The following C9orf85 variants were observed in gnomAD, a reference collection of about 807,000 sequenced individuals.
C9orf85 encodes the protein chromosome 9 open reading frame 85.
Under a neutral mutation model 14.9 loss-of-function variants are expected in C9orf85, and 16 were observed. The ratio of observed to expected loss-of-function variants is 1.08; its 90% CI spans 0.73 to 1.63. C9orf85 has a LOEUF of 1.63. Ranked by LOEUF, C9orf85 falls within the 40% of genes most tolerant of loss-of-function variation. The pLI is 0.00. For missense variants in C9orf85, 172 were observed against 186.1 expected (o/e 0.92, Z 0.44); for synonymous variants, 45 against 56.8 (o/e 0.79, Z 0.93).
intron 1 of C9orf85, among the ~76,000 whole-genome samples, chr9:71,932,644 T>C (rs1218270656): frequency 6.6e-6 from 1 of 152,108 alleles, no homozygotes; most frequent in Non-Finnish European, 1.5e-5. Flanking sequence ...AAGCAAACCC[T>C]GGGGAAAGAA....
intron 1 of C9orf85, chr9:71,918,635 A>T (rs1234619413): frequency 2.9e-6 from 1 of 339,308 alleles, no homozygotes; most frequent in African/African-American, 2.2e-5. Context: ...CTCCTGTCAG[A>T]TCAGCTCTGG....
intron 3 of C9orf85, among the ~76,000 whole-genome samples, chr9:71,981,787 G>T (rs1178642473): frequency 6.6e-6 from 1 of 152,144 alleles, no homozygotes; most frequent in African/African-American, 2.4e-5. Context: ...GCCTGGAAAT[G>T]GTTGGGAATT....
downstream of C9orf85, among the ~76,000 whole-genome samples, chr9:71,975,203 CT>C (rs1405345182): frequency 2.0e-5 from 3 of 152,066 alleles, no homozygotes; most frequent in Admixed American, 2.0e-4. Context: ...AATCCCAGCA[CT>C]TTGGGAGGCC....
intron 2 of C9orf85, among the ~76,000 whole-genome samples, chr9:71,965,939 A>G (rs1026446400): frequency 6.6e-6 from 1 of 152,186 alleles, no homozygotes; most frequent in Non-Finnish European, 1.5e-5. Flanking sequence ...CTATTTCTAT[A>G]TTTGAGTCCT....
At chr9:71,969,790 TTC>T (rs1250810365) in intron 2 of C9orf85, among the ~76,000 whole-genome samples, 4 of 152,174 alleles carry the variant, frequency 2.6e-5, no homozygotes, top group Non-Finnish European at 4.4e-5. Context: ...TCAAAATATT[TTC>T]TTTTTGTGTG....
chr9:71,940,756 AC>A (rs1821905756), intron 1 of C9orf85, among the ~76,000 whole-genome samples: 1 of 152,196 alleles, frequency 6.6e-6, no homozygotes, highest in Non-Finnish European at 1.5e-5. Context: ...ATATGTCCAC[AC>A]AAAAACTCGT....
chr9:71,972,542 A>G (rs1238293704), intron 3 of C9orf85, 150 bp from the exon 4 acceptor site: 1 of 444,112 alleles, frequency 2.3e-6, no homozygotes, highest in East Asian at 4.6e-5. Flanking sequence ...TACAGGCATG[A>G]GCCACCACTC....
At chr9:71,920,414 G>T (rs903359926) in intron 1 of C9orf85, among the ~76,000 whole-genome samples, 1 of 152,100 alleles carries the variant, frequency 6.6e-6, no homozygotes, top group African/African-American at 2.4e-5. Flanking sequence ...AGACTATTCT[G>T]CAAATTCTTC....
intron 2 of C9orf85, among the ~76,000 whole-genome samples, chr9:71,966,822 G>A (rs893102239): frequency 2.6e-5 from 4 of 152,170 alleles, no homozygotes; most frequent in Non-Finnish European, 4.4e-5. Flanking sequence ...AGGGCCTCTG[G>A]TAAATGTTTC....
chr9:71,964,581 G>A (rs564511017), intron 2 of C9orf85, among the ~76,000 whole-genome samples: 2 of 151,870 alleles, frequency 1.3e-5, no homozygotes, highest in East Asian at 1.9e-4. Flanking sequence ...GCGAGACCAC[G>A]AACCCACCAG....
chr9:71,984,778 T>C (rs1823178300), downstream of C9orf85: 3 of 152,174 alleles, frequency 2.0e-5, no homozygotes, highest in Admixed American at 2.0e-4. Context: ...GTGAGTGAGA[T>C]TTAGGAGTCA....
chr9:71,968,092 A>G (rs1564100079), intron 2 of C9orf85, among the ~76,000 whole-genome samples: 1 of 14,350 alleles, frequency 7.0e-5, no homozygotes, highest in Non-Finnish European at 1.8e-4. Flanking sequence ...TGCTGCATAT[A>G]TATATATATA....
At chr9:71,927,702 CCTT>C (rs1170946643) in intron 1 of C9orf85, among the ~76,000 whole-genome samples, 1 of 151,998 alleles carries the variant, frequency 6.6e-6, no homozygotes, top group Non-Finnish European at 1.5e-5. Flanking sequence ...ATTACTAAGA[CCTT>C]CTTATGATAA....
intron 1 of C9orf85, among the ~76,000 whole-genome samples, chr9:71,922,674 G>T (rs1827842357): frequency 6.6e-6 from 1 of 152,104 alleles, no homozygotes; most frequent in Non-Finnish European, 1.5e-5. Flanking sequence ...TAGTACCTGG[G>T]CTTGCTACCT....
At chr9:71,967,984 C>T (rs959229785) in intron 2 of C9orf85, among the ~76,000 whole-genome samples, 3 of 151,924 alleles carry the variant, frequency 2.0e-5, no homozygotes, top group African/African-American at 7.3e-5. Flanking sequence ...CATCTAATAA[C>T]ATCATCATAT....
At chr9:71,948,128 T>C (rs1371255906) in intron 2 of C9orf85, among the ~76,000 whole-genome samples, 2 of 152,228 alleles carry the variant, frequency 1.3e-5, no homozygotes, top group Non-Finnish European at 2.9e-5. Context: ...AAGATTTAAT[T>C]TGGTAATCTA....
intron 2 of C9orf85, among the ~76,000 whole-genome samples, chr9:71,948,376 A>C (rs1822153853): frequency 6.6e-6 from 1 of 152,336 alleles, no homozygotes; most frequent in South Asian, 2.1e-4. Context: ...TTACTTCAAA[A>C]TATTTGAACA....
chr9:71,970,137 G>A (rs372047508), intron 2 of C9orf85, among the ~76,000 whole-genome samples: 5 of 151,956 alleles, frequency 3.3e-5, no homozygotes, highest in Non-Finnish European at 5.9e-5. Flanking sequence ...TAGTAGGGAC[G>A]GGGTTTCACC....
intron 1 of C9orf85, among the ~76,000 whole-genome samples, chr9:71,932,939 A>G (rs953900775): frequency 9.8e-5 from 15 of 152,292 alleles, no homozygotes; most frequent in African/African-American, 3.6e-4. Context: ...AAAGAAACCA[A>G]AAAGAAATTC....
Sources: allele counts gnomAD v4.1 joint callset (sites outside exome capture counted in the v4.1 genomes callset), GRCh38; gene constraint gnomAD v4.1.1; transcripts MANE v1.5; gene names NCBI Gene and HGNC (gene_info 2026-07-23, HGNC 2026-07-21).